OLA1: variants seen among roughly 807,000 people sequenced by gnomAD.
OLA1 encodes the protein obg-like ATPase 1.
Under a neutral mutation model 48.4 loss-of-function variants are expected in OLA1, and 14 were observed. The observed-to-expected ratio is 0.29, with a 90% CI of 0.19 to 0.45. OLA1 has a LOEUF of 0.45. Ranked by LOEUF, OLA1 falls within the 20% of genes least tolerant of loss-of-function variation. The probability of loss-of-function intolerance (pLI) is 1.00; values close to 1 mark genes in which losing one functional copy is unlikely to be tolerated. For synonymous variants in OLA1, 127 were observed against 150.4 expected (o/e 0.84, Z 1.14); for missense variants, 325 against 467.1 (o/e 0.70, Z 2.80).
chr2:174,212,501 A>G (rs1227939783), intron 4 of OLA1, among the ~76,000 whole-genome samples: 1 of 152,200 alleles, frequency 6.6e-6, no homozygotes, highest in Admixed American at 6.5e-5. Flanking sequence ...GCTATTCTAA[A>G]TTTATGTTAA....
chr2:174,128,516 G>A (rs1475936377), intron 5 of OLA1, among the ~76,000 whole-genome samples: 2 of 151,854 alleles, frequency 1.3e-5, no homozygotes, highest in African/African-American at 4.8e-5. Context: ...GATCACCTGA[G>A]GTCAGGAGTT....
At chr2:174,105,169 G>C (rs920634463) in intron 7 of OLA1, among the ~76,000 whole-genome samples, 7 of 151,582 alleles carry the variant, frequency 4.6e-5, no homozygotes, top group African/African-American at 1.7e-4. Context: ...TTAATTTTAT[G>C]TATATCTTGT....
At chr2:174,100,765 A>G (rs1685374572) in intron 7 of OLA1, among the ~76,000 whole-genome samples, 1 of 152,184 alleles carries the variant, frequency 6.6e-6, no homozygotes, top group Non-Finnish European at 1.5e-5. Flanking sequence ...ATATGCACAT[A>G]TAACTATCCC....
At chr2:174,121,790 G>T (rs901529634) in intron 7 of OLA1, among the ~76,000 whole-genome samples, 1 of 152,076 alleles carries the variant, frequency 6.6e-6, no homozygotes, top group Admixed American at 6.6e-5. Context: ...TCTGGGAAAT[G>T]GTATTTACTA....
intron 7 of OLA1, among the ~76,000 whole-genome samples, chr2:174,090,354 AG>A (rs1685085889): frequency 6.6e-6 from 1 of 152,242 alleles, no homozygotes; most frequent in African/African-American, 2.4e-5. Flanking sequence ...TAGAATGTTT[AG>A]CAAAAAGGCT....
At chr2:174,224,504 C>A (rs1187013326) in intron 3 of OLA1, among the ~76,000 whole-genome samples, 2 of 152,098 alleles carry the variant, frequency 1.3e-5, no homozygotes, top group African/African-American at 2.4e-5. Flanking sequence ...GGCATGGTGG[C>A]ATACATCTGT....
At chr2:174,104,281 AT>A (rs1685465037) in intron 7 of OLA1, among the ~76,000 whole-genome samples, 1 of 152,092 alleles carries the variant, frequency 6.6e-6, no homozygotes, top group Non-Finnish European at 1.5e-5. Context: ...GGGGAAAAGC[AT>A]TCCACACAAT....
At chr2:174,165,382 G>A (rs933254969) in intron 4 of OLA1, among the ~76,000 whole-genome samples, 1 of 152,168 alleles carries the variant, frequency 6.6e-6, no homozygotes, top group African/African-American at 2.4e-5. Context: ...GCCAACAACA[G>A]TCCTGTCTTC....
At chr2:174,190,933 A>G (rs1687760816) in intron 4 of OLA1, among the ~76,000 whole-genome samples, 1 of 133,786 alleles carries the variant, frequency 7.5e-6, no homozygotes, top group South Asian at 2.7e-4. Context: ...CAACAGAGCA[A>G]GACTTCGTCT....
intron 4 of OLA1, among the ~76,000 whole-genome samples, chr2:174,150,372 G>A (rs140084564): frequency 3.9e-5 from 6 of 152,304 alleles, no homozygotes; most frequent in Non-Finnish European, 8.8e-5. Flanking sequence ...GCTGCAGCCC[G>A]CTGAGCTTGT....
intron 4 of OLA1, among the ~76,000 whole-genome samples, chr2:174,162,426 T>C (rs923180541): frequency 5.3e-5 from 8 of 152,228 alleles, no homozygotes; most frequent in East Asian, 1.9e-4. Context: ...GCAATACTCA[T>C]GGACCTTAAG....
chr2:174,199,600 T>C (rs935274587), intron 4 of OLA1, among the ~76,000 whole-genome samples: 1 of 152,216 alleles, frequency 6.6e-6, no homozygotes, highest in Admixed American at 6.5e-5. Flanking sequence ...ATTTTTTTGA[T>C]ACTGTATCAC....
At chr2:174,081,886 T>C (rs774588219) in intron 8 of OLA1, 38 bp downstream of exon 8, 6 of 1,596,144 alleles carry the variant, frequency 3.8e-6, no homozygotes, top group Admixed American at 3.3e-5. Context: ...AAGGAAATAG[T>C]TGATAATAAA....
At chr2:174,155,083 C>T (rs1686842184) in intron 4 of OLA1, among the ~76,000 whole-genome samples, 1 of 152,238 alleles carries the variant, frequency 6.6e-6, no homozygotes, top group East Asian at 1.9e-4. Context: ...TGAACTGCCA[C>T]AATAATCTAT....
chr2:174,171,045 A>C (rs1687288858), intron 4 of OLA1, among the ~76,000 whole-genome samples: 1 of 152,268 alleles, frequency 6.6e-6, no homozygotes, highest in Admixed American at 6.5e-5. Context: ...AGAAAAAAGT[A>C]AATTCATCCA....
intron 5 of OLA1, among the ~76,000 whole-genome samples, chr2:174,126,802 C>T (rs1686054423): frequency 6.6e-6 from 1 of 152,174 alleles, no homozygotes; most frequent in Non-Finnish European, 1.5e-5. Context: ...CAGTGATCTA[C>T]AAAATGGCAA....
chr2:174,216,203 T>C (rs747712088), intron 4 of OLA1, among the ~76,000 whole-genome samples: 1 of 152,076 alleles, frequency 6.6e-6, no homozygotes, highest in Non-Finnish European at 1.5e-5. Context: ...CTTGAGGGGC[T>C]GAGGCAGGAG....
At chr2:174,080,521 T>C (rs1280437108) in intron 9 of OLA1, among the ~76,000 whole-genome samples, 1 of 152,120 alleles carries the variant, frequency 6.6e-6, no homozygotes, top group Admixed American at 6.6e-5. Flanking sequence ...GGGAATAAAT[T>C]AGTCATTCTC....
chr2:174,236,631 G>A (rs1342734975), intron 2 of OLA1, among the ~76,000 whole-genome samples: 3 of 152,046 alleles, frequency 2.0e-5, no homozygotes, highest in Admixed American at 1.3e-4. Context: ...TTTCATCATC[G>A]TGCGAACATT....
Sources: allele counts gnomAD v4.1 joint callset (sites outside exome capture counted in the v4.1 genomes callset), GRCh38; gene constraint gnomAD v4.1.1; transcripts MANE v1.5; gene names NCBI Gene and HGNC (gene_info 2026-07-23, HGNC 2026-07-21).